The following CDH18 variants were observed in gnomAD, a reference collection of about 807,000 sequenced individuals.
CDH18 encodes cadherin 18.
CDH18 carries 31 observed loss-of-function variants against 67.9 expected under a neutral mutation model. The observed-to-expected ratio is 0.46, with a 90% confidence interval of 0.34 to 0.62. The LOEUF is 0.62. Among genes scored for constraint, CDH18 ranks in the 20% least tolerant of loss-of-function variants. The pLI is 0.01. For missense variants in CDH18, 890 were observed against 975.5 expected (o/e 0.91, Z 1.17); for synonymous variants, 362 against 347.2 (o/e 1.04, Z -0.48).
At chr5:19,475,192 G>GCACACACACACACA (rs34517461) in intron 12 of CDH18, among the ~76,000 whole-genome samples, 1 of 146,230 alleles carries the variant, frequency 6.8e-6, no homozygotes, top group Non-Finnish European at 1.5e-5. Flanking sequence ...ATCAATAACA[G>GCACACACACACACA]CACACACACA....
chr5:19,815,265 C>T (rs964457243), intron 3 of CDH18, among the ~76,000 whole-genome samples: 3 of 151,858 alleles, frequency 2.0e-5, no homozygotes, highest in Non-Finnish European at 4.4e-5. Context: ...TACATGACAC[C>T]ATGTCATCAT....
chr5:19,478,680 G>C (rs879475575), intron 12 of CDH18: 2 of 152,224 alleles, frequency 1.3e-5, no homozygotes, highest in Admixed American at 6.5e-5. Flanking sequence ...GACTGAAAGG[G>C]TAGCTGGAAG....
chr5:20,104,350 G>C (rs1169189720), intron 2 of CDH18, among the ~76,000 whole-genome samples: 1 of 152,076 alleles, frequency 6.6e-6, no homozygotes, highest in Admixed American at 6.6e-5. Flanking sequence ...AATAGAGTCA[G>C]AAAACATGAG....
chr5:19,943,411 G>A (rs1218075892), intron 2 of CDH18, among the ~76,000 whole-genome samples: 1 of 151,942 alleles, frequency 6.6e-6, no homozygotes, highest in Non-Finnish European at 1.5e-5. Flanking sequence ...GATATAGAAG[G>A]AATCCAAACA....
At chr5:20,181,139 T>C (rs1394468483) in intron 2 of CDH18, among the ~76,000 whole-genome samples, 1 of 152,148 alleles carries the variant, frequency 6.6e-6, no homozygotes, top group African/African-American at 2.4e-5. Context: ...CCAATGTGGC[T>C]CAACTCATAT....
intron 8 of CDH18, among the ~76,000 whole-genome samples, chr5:19,566,023 A>C (rs995759451): frequency 8.0e-6 from 1 of 124,444 alleles, no homozygotes; most frequent in Non-Finnish European, 1.7e-5. Context: ...AAATCTATAG[A>C]AAAAAAAAAT....
intron 5 of CDH18, among the ~76,000 whole-genome samples, chr5:19,709,540 C>T (rs1764430002): frequency 6.6e-6 from 1 of 151,158 alleles, no homozygotes; most frequent in Non-Finnish European, 1.5e-5. Context: ...GTATTCCAGC[C>T]TGGGCAACAA....
chr5:20,552,569 A>G (rs1298147053), intron 1 of CDH18, among the ~76,000 whole-genome samples: 1 of 152,204 alleles, frequency 6.6e-6, no homozygotes, highest in African/African-American at 2.4e-5. Flanking sequence ...GAAAAAATAA[A>G]TTATTGATCA....
chr5:19,478,272 T>TA (rs1285121054), intron 12 of CDH18, among the ~76,000 whole-genome samples: 1 of 152,176 alleles, frequency 6.6e-6, no homozygotes, highest in African/African-American at 2.4e-5. Context: ...GTAGCTTGCA[T>TA]AGCAGAATTT....
intron 1 of CDH18, among the ~76,000 whole-genome samples, chr5:20,406,025 C>T (rs146350475): frequency 0.04 from 6,119 of 152,116 alleles, 300 homozygotes; most frequent in African/African-American, 0.12. Context: ...GTCAGTGTGG[C>T]GATTCCTCAG....
chr5:20,373,261 A>G (rs1743150114), intron 1 of CDH18, among the ~76,000 whole-genome samples: 1 of 152,162 alleles, frequency 6.6e-6, no homozygotes, highest in Non-Finnish European at 1.5e-5. Context: ...GACCTATGTC[A>G]CAGACCCTAA....
At chr5:19,942,843 G>T (rs1458141354) in intron 2 of CDH18, among the ~76,000 whole-genome samples, 1 of 152,162 alleles carries the variant, frequency 6.6e-6, no homozygotes, top group Non-Finnish European at 1.5e-5. Context: ...ACTCTCAGCA[G>T]CAGTCGAGGA....
chr5:20,226,674 A>T (rs957296995), intron 2 of CDH18, among the ~76,000 whole-genome samples: 3 of 152,164 alleles, frequency 2.0e-5, no homozygotes, highest in African/African-American at 7.2e-5. Context: ...AATATCAAAC[A>T]TATAACTATT....
intron 1 of CDH18, among the ~76,000 whole-genome samples, chr5:20,376,255 A>G (rs926210753): frequency 6.0e-5 from 9 of 150,886 alleles, no homozygotes; most frequent in South Asian, 2.1e-4. Flanking sequence ...CACCTCGCCC[A>G]GCTAATTTTT....
intron 2 of CDH18, among the ~76,000 whole-genome samples, chr5:19,967,483 T>C (rs1031382052): frequency 6.6e-6 from 1 of 152,150 alleles, no homozygotes; most frequent in Non-Finnish European, 1.5e-5. Flanking sequence ...GTACATATTG[T>C]ACAGAGAGCA....
At chr5:20,344,395 T>G (rs1375021715) in intron 1 of CDH18, among the ~76,000 whole-genome samples, 1 of 152,064 alleles carries the variant, frequency 6.6e-6, no homozygotes, top group African/African-American at 2.4e-5. Context: ...ATAAGGGGCA[T>G]CCAGTATGTC....
intron 1 of CDH18, among the ~76,000 whole-genome samples, chr5:20,503,189 T>TA (rs5866432): frequency 1.1e-4 from 17 of 149,942 alleles, no homozygotes; most frequent in African/African-American, 2.4e-4. Flanking sequence ...AACACAAATT[T>TA]AAAAAAAAAA....
intron 2 of CDH18, among the ~76,000 whole-genome samples, chr5:20,112,887 G>A (rs1036437157): frequency 3.4e-4 from 52 of 152,280 alleles, no homozygotes; most frequent in African/African-American, 1.2e-3. Flanking sequence ...AGCAGGCACT[G>A]CAAAGATTAT....
chr5:20,575,564 G>T (rs746718372), exon 1 of CDH18: 3 of 152,148 alleles, frequency 2.0e-5, no homozygotes, highest in Non-Finnish European at 4.4e-5. Flanking sequence ...TGATGCAGGA[G>T]TAAGATGAGC....
Sources: allele counts gnomAD v4.1 joint callset (sites outside exome capture counted in the v4.1 genomes callset), GRCh38; gene constraint gnomAD v4.1.1; transcripts MANE v1.5; gene names NCBI Gene and HGNC (gene_info 2026-07-23, HGNC 2026-07-21).